CPED1: variants seen among roughly 807,000 people sequenced by gnomAD.
CPED1 encodes the protein cadherin-like and PC-esterase domain-containing protein 1.
A neutral mutation model predicts 128.2 loss-of-function variants in CPED1; 114 were observed. The observed-to-expected ratio is 0.89, with a 90% CI of 0.76 to 1.04. The LOEUF (loss-of-function observed/expected upper bound fraction) is 1.04, where lower values mean the gene tolerates loss of function less well. Among genes scored for constraint, CPED1 ranks in the 50% least tolerant of loss-of-function variants. The pLI is 0.00. For missense variants in CPED1, 1,211 were observed against 1,207.1 expected, an observed-to-expected ratio of 1.00 and a Z score of -0.05; for synonymous variants, 462 against 426.7, an observed-to-expected ratio of 1.08 and a Z score of -1.02.
chr7:121,276,774 C>T (rs551976818), intron 22 of CPED1, among the ~76,000 whole-genome samples: 12 of 152,214 alleles, frequency 7.9e-5, no homozygotes, highest in African/African-American at 2.9e-4. Flanking sequence ...ACCTGATGTT[C>T]TCATAATCAC....
At chr7:121,093,877 T>C (rs1324584447) in intron 5 of CPED1, among the ~76,000 whole-genome samples, 1 of 152,176 alleles carries the variant, frequency 6.6e-6, no homozygotes, top group African/African-American at 2.4e-5. Context: ...ACCCATGTGT[T>C]TGTTAACAGT....
At chr7:121,137,971 G>A (rs997804140) in intron 14 of CPED1, among the ~76,000 whole-genome samples, 2 of 151,994 alleles carry the variant, frequency 1.3e-5, no homozygotes, top group Admixed American at 6.6e-5. Context: ...TTTTTTTCCA[G>A]TTCCCATGTA....
chr7:121,065,574 TAA>T (rs747044694), intron 5 of CPED1, among the ~76,000 whole-genome samples: 1 of 152,132 alleles, frequency 6.6e-6, no homozygotes, highest in African/African-American at 2.4e-5. Context: ...TCCAGAACAT[TAA>T]GTTTCTTCAG....
chr7:121,168,903 ACT>A (rs568688385), intron 16 of CPED1, among the ~76,000 whole-genome samples: 21 of 152,310 alleles, frequency 1.4e-4, no homozygotes, highest in African/African-American at 3.8e-4. Context: ...AGTATGGCAA[ACT>A]CTGCAAATGT....
At chr7:121,203,937 G>C (rs1325184733) in intron 16 of CPED1, among the ~76,000 whole-genome samples, 1 of 152,058 alleles carries the variant, frequency 6.6e-6, no homozygotes, top group Non-Finnish European at 1.5e-5. Context: ...GGGCCAAGAA[G>C]CAAGACACCC....
intron 5 of CPED1, among the ~76,000 whole-genome samples, chr7:121,077,863 A>G (rs182487147): frequency 2.6e-5 from 4 of 152,076 alleles, no homozygotes; most frequent in Non-Finnish European, 4.4e-5. Flanking sequence ...AAATTTTTAT[A>G]TAATCAAATT....
At chr7:121,217,146 C>T (rs1045886868) in intron 16 of CPED1, among the ~76,000 whole-genome samples, 8 of 151,906 alleles carry the variant, frequency 5.3e-5, no homozygotes, top group Non-Finnish European at 7.4e-5. Context: ...ACCTTAGACT[C>T]AAACTCCTTG....
intron 16 of CPED1, among the ~76,000 whole-genome samples, chr7:121,153,556 A>G (rs1796207689): frequency 6.6e-6 from 1 of 152,230 alleles, no homozygotes; most frequent in Admixed American, 6.5e-5. Flanking sequence ...TAAAAGGTAG[A>G]TACTTTAATA....
chr7:121,100,805 A>G (rs990002844), intron 7 of CPED1, among the ~76,000 whole-genome samples: 7 of 152,202 alleles, frequency 4.6e-5, no homozygotes, highest in Non-Finnish European at 1.0e-4. Context: ...TGAACAGATT[A>G]GAAAATGACT....
At chr7:121,008,122 G>T (rs1792072038) in intron 2 of CPED1, among the ~76,000 whole-genome samples, 1 of 151,984 alleles carries the variant, frequency 6.6e-6, no homozygotes, top group Non-Finnish European at 1.5e-5. Context: ...CATCCATCCA[G>T]AAAACAAAAC....
intron 3 of CPED1, among the ~76,000 whole-genome samples, chr7:121,027,132 C>T (rs915721191): frequency 1.3e-5 from 2 of 151,754 alleles, no homozygotes; most frequent in Admixed American, 6.6e-5. Context: ...TGAACCATCT[C>T]GCCTGGCTCT....
rs778153968 is a variant in CPED1, at chr7:121,127,071, T to C, written c.1135-19T>C. On this transcript the variant is annotated intron_variant, in intron 9 of 22. Transcript: ENST00000310396. ...GTAAATCGATGAAAAATATTTGCTG[T>C]GCTTTTGTTCTTTCAAAGGTACACG... 19 of 1,525,940 alleles carry C rather than the reference T, an allele frequency of 1.2e-5. No homozygotes were observed. The highest frequency in any genetic ancestry group is 7.0e-6 in the Non-Finnish European group (8 of 1,137,810). The allele number at this position is 1,525,940 out of a possible 1,614,324, so 94.5% of individuals were successfully genotyped here. A position where few individuals can be genotyped will look rare whatever the true frequency, so the allele number is the denominator to read the frequency against.
intron 16 of CPED1, among the ~76,000 whole-genome samples, chr7:121,173,801 T>C (rs754717414): frequency 1.3e-5 from 2 of 152,106 alleles, no homozygotes; most frequent in African/African-American, 4.8e-5. Flanking sequence ...CTTTGAGGAA[T>C]TGCCTGACTG....
intron 16 of CPED1, among the ~76,000 whole-genome samples, chr7:121,154,902 C>G (rs1481803880): frequency 6.6e-6 from 1 of 152,150 alleles, no homozygotes; most frequent in Admixed American, 6.5e-5. Context: ...GGTTTTCATT[C>G]TTGATTCTGT....
chr7:121,194,018 CTCTCTA>C (rs1306349961), intron 16 of CPED1, among the ~76,000 whole-genome samples: 163 of 71,446 alleles, frequency 2.3e-3, no homozygotes, highest in Non-Finnish European at 3.1e-3. Flanking sequence ...CTCTCTCTCT[CTCTCTA>C]TATATATATA....
At chr7:121,105,489 C>T (rs903826916) in intron 7 of CPED1, among the ~76,000 whole-genome samples, 1 of 152,072 alleles carries the variant, frequency 6.6e-6, no homozygotes, top group Admixed American at 6.6e-5. Context: ...CTTCGCTAGG[C>T]CCGGGAGATT....
intron 2 of CPED1, among the ~76,000 whole-genome samples, chr7:120,995,751 T>G (rs2116739886): frequency 6.6e-6 from 1 of 152,280 alleles, no homozygotes; most frequent in East Asian, 1.9e-4. Context: ...CCCTGTACCT[T>G]GCTCCTCACC....
chr7:121,124,292 C>T (rs1418021358), intron 7 of CPED1, 39 bp from the exon 8 acceptor site: 1 of 1,554,412 alleles, frequency 6.4e-7, no homozygotes, highest in South Asian at 1.2e-5. Context: ...CAAACTGAGG[C>T]TATTGTTTTA....
chr7:121,091,133 T>C (rs1279433450), intron 5 of CPED1, among the ~76,000 whole-genome samples: 2 of 151,566 alleles, frequency 1.3e-5, no homozygotes, highest in Non-Finnish European at 2.9e-5. Context: ...GAAGTATGTC[T>C]GAACAAAATA....
Sources: allele counts gnomAD v4.1 joint callset (sites outside exome capture counted in the v4.1 genomes callset), GRCh38; gene constraint gnomAD v4.1.1; transcripts MANE v1.5; gene names NCBI Gene and HGNC (gene_info 2026-07-23, HGNC 2026-07-21).